Variants in PVT1 observed in about 807,000 individuals in gnomAD.
PVT1 encodes CXCR4/PVT1 fusion.
chr8:127,821,205 C>T (rs987946506), intron 2 of PVT1, among the ~76,000 whole-genome samples: 5 of 152,138 alleles, frequency 3.3e-5, no homozygotes, highest in African/African-American at 1.2e-4. Context: ...CACTGAGGCC[C>T]AGGAAACTTG....
At chr8:127,836,530 T>C (rs953073234) in intron 2 of PVT1, among the ~76,000 whole-genome samples, 4 of 152,134 alleles carry the variant, frequency 2.6e-5, no homozygotes, top group Non-Finnish European at 4.4e-5. Flanking sequence ...GTGACTGCAG[T>C]GAAGCCCCTC....
chr8:127,906,953 C>CTT (rs561274568), intron 3 of PVT1, among the ~76,000 whole-genome samples: 40 of 132,664 alleles, frequency 3.0e-4, no homozygotes, highest in South Asian at 4.9e-4. Flanking sequence ...GGCACTCTCT[C>CTT]TTTTTTTTTT....
Position 128,017,609 on chromosome 8 carries a change from T to TA in PVT1, n.912+28320dup, listed in dbSNP as rs754724328. On this transcript the variant is annotated intron_variant and non_coding_transcript_variant, in intron 4 of 10. Transcript: ENST00000651587. ...ACCAAGCGCTATTTTTTTTTTTTTT[T>TA]AATTTTTTTAGAGGCAGGGATCTTG... 6.8e-3 allele frequency among the ~76,000 whole-genome samples: 1,028 copies of TA among 151,366 alleles called. 17 individuals carry two copies. In the East Asian group the frequency reaches 0.073, roughly 11 times the overall value.
intron 2 of PVT1, among the ~76,000 whole-genome samples, chr8:127,823,175 C>A (rs1188408204): frequency 1.3e-5 from 2 of 152,118 alleles, no homozygotes; most frequent in Non-Finnish European, 2.9e-5. Flanking sequence ...GAGAAAAGCG[C>A]TTGGAATGGT....
chr8:128,017,065 G>A (rs1045858862), intron 4 of PVT1, among the ~76,000 whole-genome samples: 5 of 152,144 alleles, frequency 3.3e-5, no homozygotes, highest in African/African-American at 4.8e-5. Context: ...CATCAGAGAG[G>A]GGCTCTTGGA....
intron 2 of PVT1, among the ~76,000 whole-genome samples, chr8:127,814,565 T>C (rs1012377672): frequency 1.1e-4 from 17 of 152,220 alleles, no homozygotes; most frequent in Non-Finnish European, 7.3e-5. Context: ...TAGCAAACCC[T>C]TTGAGGGGAC....
At chr8:127,866,911 T>TG (rs1213118936) in intron 2 of PVT1, among the ~76,000 whole-genome samples, 1 of 152,178 alleles carries the variant, frequency 6.6e-6, no homozygotes, top group Non-Finnish European at 1.5e-5. Flanking sequence ...AGAGGAAGGC[T>TG]CCTTGTGCCT....
intron 3 of PVT1, among the ~76,000 whole-genome samples, chr8:127,920,610 G>T (rs979071118): frequency 6.6e-6 from 1 of 152,318 alleles, no homozygotes; most frequent in African/African-American, 2.4e-5. Flanking sequence ...TGCCCAGAAG[G>T]CTTGTTACTA....
chr8:127,936,064 T>C (rs2129897610), intron 3 of PVT1, among the ~76,000 whole-genome samples: 1 of 151,090 alleles, frequency 6.6e-6, no homozygotes, highest in Middle Eastern at 3.4e-3. Context: ...TTTTTACTTT[T>C]TTTTGAGATG....
intron 4 of PVT1, among the ~76,000 whole-genome samples, chr8:128,039,687 AC>A (rs1262906890): frequency 6.6e-6 from 1 of 152,196 alleles, no homozygotes; most frequent in Non-Finnish European, 1.5e-5. Flanking sequence ...ACCATCGGAA[AC>A]TTTTTGGCAG....
chr8:127,817,528 A>AATAGAT lies in PVT1; in HGVS notation n.372+21460_372+21461insGATATA, dbSNP rs1198591511. Reference sequence around the variant, plus strand: ...ATATTTAAATAGATATATCTATTTAAATATATATATATATATATACACACA... The same window carrying AATAGAT: ...ATATTTAAATAGATATATCTATTTAAATAGATATATATATATATATATATACACACA... On this transcript the variant is annotated intron_variant and non_coding_transcript_variant, in intron 2 of 10. Transcript: ENST00000651587. Among the ~76,000 whole-genome samples, 13 of 68,698 alleles carry AATAGAT rather than the reference A, an allele frequency of 1.9e-4. 2 individuals carry two copies. The highest frequency in any genetic ancestry group is 5.8e-4 in the African/African-American group (11 of 19,120). 45.1% of individuals were successfully genotyped at this position (68,698 alleles called of 152,430 possible).
intron 4 of PVT1, among the ~76,000 whole-genome samples, chr8:128,014,250 T>C (rs1817346203): frequency 6.6e-6 from 1 of 152,176 alleles, no homozygotes; most frequent in Non-Finnish European, 1.5e-5. Flanking sequence ...ACAGACGACA[T>C]AGCTTTTCTC....
intron 2 of PVT1, among the ~76,000 whole-genome samples, chr8:127,812,794 T>C (rs1814613411): frequency 6.6e-6 from 1 of 152,110 alleles, no homozygotes; most frequent in African/African-American, 2.4e-5. Flanking sequence ...TGTGCAGCAT[T>C]TCCCGTCTTG....
At chr8:127,862,133 C>A (rs899242196) in intron 2 of PVT1, among the ~76,000 whole-genome samples, 1 of 152,144 alleles carries the variant, frequency 6.6e-6, no homozygotes, top group African/African-American at 2.4e-5. Context: ...TCTGGCTGGG[C>A]GCGTTGGCTC....
intron 4 of PVT1, among the ~76,000 whole-genome samples, chr8:128,029,455 A>G (rs1269923227): frequency 6.6e-6 from 1 of 152,148 alleles, no homozygotes; most frequent in Non-Finnish European, 1.5e-5. Flanking sequence ...CAAAAGTAGT[A>G]CATGCTGACT....
At chr8:127,830,667 G>A (rs1442349863) in intron 2 of PVT1, among the ~76,000 whole-genome samples, 1 of 152,094 alleles carries the variant, frequency 6.6e-6, no homozygotes, top group African/African-American at 2.4e-5. Context: ...TTAATACTGA[G>A]TGTCAACTTG....
chr8:127,795,280 T>A (rs1268192464), intron 1 of PVT1, among the ~76,000 whole-genome samples: 4 of 152,234 alleles, frequency 2.6e-5, no homozygotes, highest in Non-Finnish European at 5.9e-5. Context: ...TTGGCTGGGC[T>A]GTTGATTTAA....
chr8:128,008,319 G>A (rs1863564), intron 4 of PVT1, among the ~76,000 whole-genome samples: 82,026 of 152,024 alleles, frequency 0.54, 22,891 homozygotes, highest in Admixed American at 0.62. Flanking sequence ...GAGAACAAAA[G>A]TGTCTTCTCT....
At chr8:127,938,756 T>G (rs138276173) in intron 3 of PVT1, among the ~76,000 whole-genome samples, 1 of 152,186 alleles carries the variant, frequency 6.6e-6, no homozygotes, top group Non-Finnish European at 1.5e-5. Flanking sequence ...TCCAAAATCT[T>G]AGGTTTATTG....
Sources: gnomAD v4.1 joint callset for allele counts (sites outside exome capture counted in the v4.1 genomes callset) on GRCh38, gnomAD v4.1.1 for gene constraint, MANE v1.5 for transcripts, NCBI Gene and HGNC (gene_info 2026-07-23, HGNC 2026-07-21) for gene names.